SHISA9: variants seen among roughly 807,000 people sequenced by gnomAD.
The protein encoded by SHISA9 is protein shisa-9.
SHISA9 carries 13 observed loss-of-function variants against 38.0 expected under a neutral mutation model. That is an observed-to-expected ratio of 0.34 (90% CI 0.22 to 0.54). The LOEUF (loss-of-function observed/expected upper bound fraction) is 0.54. Ranked by LOEUF, SHISA9 falls within the 20% of genes least tolerant of loss-of-function variation. The pLI, the probability that SHISA9 is intolerant of heterozygous loss-of-function variation, is 0.91. For synonymous variants in SHISA9, 275 were observed against 242.0 expected (o/e 1.14, Z -1.27); for missense variants, 538 against 575.8 (o/e 0.93, Z 0.67).
In SHISA9 at chr16:12,948,135, C is replaced by T. The variant is rs569239613; in HGVS notation, c.691+31320C>T. 3.9e-5 allele frequency among the ~76,000 whole-genome samples: 6 copies of T among 152,248 alleles called. No homozygotes were observed. In the South Asian group the frequency reaches 8.3e-4, roughly 21 times the overall value. The stretch of plus-strand genomic sequence containing the variant: ...GGTGCTTAGTTTAATCTTTATAATG[C>T]GTCTATGATATCTATGCCATTAGCC... On this transcript the variant is annotated intron_variant, in intron 2 of 4. Coordinates refer to ENST00000558583, the MANE Select transcript of SHISA9 (RefSeq NM_001145204.3).
At chr16:13,215,668 T>C (rs1329420674) in intron 4 of SHISA9, among the ~76,000 whole-genome samples, 2 of 152,206 alleles carry the variant, frequency 1.3e-5, no homozygotes, top group Non-Finnish European at 2.9e-5. Context: ...AGCTGTTTTC[T>C]ACCCAAACCA....
the SHISA9 span, among the ~76,000 whole-genome samples, chr16:13,425,114 T>C: frequency 6.6e-6 from 1 of 152,180 alleles, no homozygotes; most frequent in South Asian, 2.1e-4. Flanking sequence ...GAAAATCCAA[T>C]ACCACATGTT....
At chr16:13,205,346 A>G (rs2051054026) in intron 3 of SHISA9, among the ~76,000 whole-genome samples, 1 of 152,158 alleles carries the variant, frequency 6.6e-6, no homozygotes, top group Non-Finnish European at 1.5e-5. Flanking sequence ...CATGGGGGAA[A>G]TTCCTTTTCT....
At chr16:13,109,781 T>A (rs998368382) in intron 2 of SHISA9, among the ~76,000 whole-genome samples, 1 of 152,228 alleles carries the variant, frequency 6.6e-6, no homozygotes, top group African/African-American at 2.4e-5. Flanking sequence ...TGATCTTCTA[T>A]GTCTGGCTTC....
chr16:13,053,619 C>G (rs2073277768), intron 2 of SHISA9, among the ~76,000 whole-genome samples: 1 of 152,154 alleles, frequency 6.6e-6, no homozygotes, highest in Admixed American at 6.5e-5. Context: ...TGCCTGATTC[C>G]CTGTTGCTTT....
At chr16:12,967,172 A>G (rs2071990731) in intron 2 of SHISA9, among the ~76,000 whole-genome samples, 1 of 152,178 alleles carries the variant, frequency 6.6e-6, no homozygotes, top group African/African-American at 2.4e-5. Flanking sequence ...ATGTCCATCA[A>G]TGATAGACTG....
intron 4 of SHISA9, among the ~76,000 whole-genome samples, chr16:13,220,687 T>C (rs1439735019): frequency 6.6e-6 from 1 of 152,112 alleles, no homozygotes; most frequent in Non-Finnish European, 1.5e-5. Context: ...TCTCTATCTA[T>C]ATAGCAGCAA....
chr16:13,501,954 A>G, the SHISA9 span, among the ~76,000 whole-genome samples: 1 of 151,850 alleles, frequency 6.6e-6, no homozygotes, highest in Non-Finnish European at 1.5e-5. Context: ...GTGAGCCGAG[A>G]TCGCACCATT....
chr16:12,925,542 T>A (rs139905873), intron 2 of SHISA9, among the ~76,000 whole-genome samples: 1 of 152,260 alleles, frequency 6.6e-6, no homozygotes, highest in East Asian at 1.9e-4. Context: ...CCTGGGCTCT[T>A]TTCAAAAATT....
chr16:13,443,456 T>G, the SHISA9 span, among the ~76,000 whole-genome samples: 32 of 152,308 alleles, frequency 2.1e-4, no homozygotes, highest in Middle Eastern at 3.4e-3. Context: ...ATGGTACAAT[T>G]TCCACTTCCC....
intron 2 of SHISA9, among the ~76,000 whole-genome samples, chr16:13,164,262 T>C (rs775273043): frequency 7.2e-5 from 11 of 152,090 alleles, no homozygotes; most frequent in Non-Finnish European, 1.2e-4. Context: ...TGTTCTTGTT[T>C]AGACTGTTAA....
the SHISA9 span, among the ~76,000 whole-genome samples, chr16:13,431,934 G>A: frequency 1.3e-5 from 2 of 152,088 alleles, no homozygotes; most frequent in East Asian, 1.9e-4. Flanking sequence ...GGTGGCACAC[G>A]CCTGCAGTCC....
the SHISA9 span, among the ~76,000 whole-genome samples, chr16:13,539,076 G>C: frequency 1.6e-4 from 24 of 151,856 alleles, no homozygotes; most frequent in Non-Finnish European, 2.9e-4. Flanking sequence ...TTGGCATCAT[G>C]ATGAGGGTCA....
chr16:13,079,395 C>G (rs536845706), intron 2 of SHISA9, among the ~76,000 whole-genome samples: 27 of 152,284 alleles, frequency 1.8e-4, no homozygotes, highest in South Asian at 6.2e-4. Context: ...TAAGCTTTTA[C>G]TATATATGAT....
At chr16:13,133,376 G>T (rs2050321658) in intron 2 of SHISA9, among the ~76,000 whole-genome samples, 1 of 152,104 alleles carries the variant, frequency 6.6e-6, no homozygotes, top group African/African-American at 2.4e-5. Context: ...TCATTTTCTT[G>T]AAAAAAGTAA....
the SHISA9 span, among the ~76,000 whole-genome samples, chr16:13,281,289 C>T: frequency 2.6e-5 from 4 of 151,732 alleles, no homozygotes; most frequent in African/African-American, 9.7e-5. Context: ...AACATGGCTT[C>T]CTATAGCTCT....
chr16:13,400,964 C>G, the SHISA9 span, among the ~76,000 whole-genome samples: 1 of 152,170 alleles, frequency 6.6e-6, no homozygotes, highest in Non-Finnish European at 1.5e-5. Flanking sequence ...TCTAAACAAC[C>G]TCTCCTAGCA....
chr16:13,285,741 C>G, the SHISA9 span, among the ~76,000 whole-genome samples: 75 of 152,042 alleles, frequency 4.9e-4, no homozygotes, highest in African/African-American at 1.6e-3. Context: ...ACTGCTTTAT[C>G]TTTTAATTAC....
At chr16:12,912,199 A>G (rs967343975) in intron 1 of SHISA9, among the ~76,000 whole-genome samples, 2 of 148,768 alleles carry the variant, frequency 1.3e-5, no homozygotes, top group African/African-American at 4.9e-5. Flanking sequence ...AGCGAGCCCC[A>G]CTTCAAAGAC....
Sources: gnomAD v4.1 joint callset for allele counts (sites outside exome capture counted in the v4.1 genomes callset) on GRCh38, gnomAD v4.1.1 for gene constraint, MANE v1.5 for transcripts, NCBI Gene and HGNC (gene_info 2026-07-23, HGNC 2026-07-21) for gene names.